Variants in ANO3 observed in about 807,000 individuals in gnomAD.
ANO3 encodes the protein anoctamin 3.
Under a neutral mutation model 144.8 loss-of-function variants are expected in ANO3, and 99 were observed. That is an observed-to-expected ratio of 0.68 (90% CI 0.58 to 0.81). The LOEUF (loss-of-function observed/expected upper bound fraction) is 0.81, where lower values mean the gene tolerates loss of function less well. Ranked by LOEUF, ANO3 falls within the 30% of genes least tolerant of loss-of-function variation. The probability of loss-of-function intolerance (pLI) is 0.00; values close to 1 mark genes in which losing one functional copy is unlikely to be tolerated. For synonymous variants in ANO3, 414 were observed against 392.6 expected (o/e 1.05, Z -0.64); for missense variants, 905 against 1,202.2 (o/e 0.75, Z 3.66).
intron 1 of ANO3, among the ~76,000 whole-genome samples, chr11:26,437,658 C>T (rs1858342937): frequency 6.6e-6 from 1 of 152,082 alleles, no homozygotes; most frequent in Non-Finnish European, 1.5e-5. Context: ...CTTGGCCAGC[C>T]CCTCCATAGG....
chr11:26,453,630 G>A (rs1485744201), intron 3 of ANO3, among the ~76,000 whole-genome samples: 1 of 151,988 alleles, frequency 6.6e-6, no homozygotes, highest in Non-Finnish European at 1.5e-5. Context: ...CATTAATAAT[G>A]GGAGACTTTA....
At chr11:26,656,739 G>C (rs1230098361) in intron 26 of ANO3, among the ~76,000 whole-genome samples, 1 of 152,088 alleles carries the variant, frequency 6.6e-6, no homozygotes, top group East Asian at 1.9e-4. Context: ...GAAAACTTTT[G>C]AGCCTCCTAC....
chr11:26,246,456 TTA>T (rs150219099), intron 1 of ANO3, among the ~76,000 whole-genome samples: 3,572 of 139,928 alleles, frequency 0.026, 70 homozygotes, highest in African/African-American at 0.061. Context: ...AGTGTAGTCT[TTA>T]TATATATATA....
chr11:26,407,804 C>T (rs1857327946), intron 1 of ANO3, among the ~76,000 whole-genome samples: 1 of 151,750 alleles, frequency 6.6e-6, no homozygotes, highest in Non-Finnish European at 1.5e-5. Flanking sequence ...TCCTCCATAG[C>T]CCCATCTTTG....
At chr11:26,300,498 C>A (rs866147070) in intron 1 of ANO3, among the ~76,000 whole-genome samples, 1 of 152,074 alleles carries the variant, frequency 6.6e-6, no homozygotes, top group Admixed American at 6.5e-5. Flanking sequence ...CGAGACACAC[C>A]AACTAAATAA....
At chr11:26,428,155 C>G (rs7129745) in intron 1 of ANO3, among the ~76,000 whole-genome samples, 148,945 of 152,328 alleles carry the variant, frequency 0.98, 72,900 homozygotes, top group South Asian at 1. Flanking sequence ...AATCAACAAA[C>G]ATTCAACATG....
intron 14 of ANO3, among the ~76,000 whole-genome samples, chr11:26,595,460 G>GTTGTTTTTTT (rs1301892343): frequency 3.9e-5 from 4 of 101,384 alleles, no homozygotes; most frequent in African/African-American, 1.7e-4. Context: ...AGATAGAGTT[G>GTTGTTTTTTT]TTTTTTTTTT....
chr11:26,221,901 C>T (rs12799694), intron 1 of ANO3, among the ~76,000 whole-genome samples: 38 of 151,996 alleles, frequency 2.5e-4, no homozygotes, highest in Non-Finnish European at 3.2e-4. Flanking sequence ...CCACAAGGCC[C>T]GCCTCCAACA....
rs552922101 is a variant in ANO3, at chr11:26,657,707, GTTCT to G, written c.2763+1229_2763+1232del. 4.1e-3 allele frequency among the ~76,000 whole-genome samples: 619 copies of G among 152,024 alleles called. 3 individuals carry two copies. The highest frequency in any genetic ancestry group is 8.2e-3 in the Admixed American group (125 of 15,268). On this transcript the variant is annotated intron_variant, in intron 26 of 26. Transcript: ENST00000256737. ...AAAAATACATAGTATTAATTTGAGT[GTTCT>G]TTTTCAAAATTACTTCAATGGTATT...
chr11:26,560,971 G>A, intron 14 of ANO3: 2 of 1,235,334 alleles, frequency 1.6e-6, no homozygotes, highest in Non-Finnish European at 2.3e-6. Context: ...AAATCCACGT[G>A]ACAGTAATTT....
At chr11:26,242,301 C>T (rs1852680129) in intron 1 of ANO3, among the ~76,000 whole-genome samples, 1 of 152,052 alleles carries the variant, frequency 6.6e-6, no homozygotes, top group African/African-American at 2.4e-5. Context: ...TCATGCTTTC[C>T]TACTTCTATT....
In ANO3 at chr11:26,616,144, G is replaced by A. The variant is rs1852254581; in HGVS notation, c.1837-8318G>A. On this transcript the variant is annotated intron_variant, in intron 17 of 26. Transcript: ENST00000256737. Reference sequence around the variant, plus strand: ...TAATTATTTTATCTTTTATAGCTATGAATTATAAAATCAGTACATTGATAT... The same window carrying A: ...TAATTATTTTATCTTTTATAGCTATAAATTATAAAATCAGTACATTGATAT... Among the ~76,000 whole-genome samples the A allele has an allele frequency of 2.0e-5, 3 of 151,904 alleles. No homozygotes were observed. The South Asian group carries it at 6.2e-4, about 32-fold the overall frequency.
chr11:26,624,196 C>A (rs1430973052), intron 17 of ANO3, among the ~76,000 whole-genome samples: 1 of 152,134 alleles, frequency 6.6e-6, no homozygotes, highest in Admixed American at 6.6e-5. Flanking sequence ...AAGATAGCTA[C>A]CAGAAAAGAC....
At chr11:26,388,965 G>A (rs12289491) in intron 1 of ANO3, among the ~76,000 whole-genome samples, 18,569 of 152,050 alleles carry the variant, frequency 0.12, 1,814 homozygotes, top group African/African-American at 0.28. Context: ...TCTGTATTAT[G>A]TTTGAACATT....
At chr11:26,278,325 G>A (rs563013197) in intron 1 of ANO3, among the ~76,000 whole-genome samples, 38 of 152,252 alleles carry the variant, frequency 2.5e-4, no homozygotes, top group Middle Eastern at 3.4e-3. Flanking sequence ...TGAGGAATGG[G>A]ACTGCTACTT....
intron 24 of ANO3, among the ~76,000 whole-genome samples, chr11:26,652,261 T>C (rs1311270791): frequency 1.3e-5 from 2 of 152,222 alleles, no homozygotes; most frequent in Non-Finnish European, 2.9e-5. Context: ...GCCCGTCTAC[T>C]TTTTTAGAGA....
chr11:26,223,808 G>A (rs1160190763), intron 1 of ANO3, among the ~76,000 whole-genome samples: 2 of 151,868 alleles, frequency 1.3e-5, no homozygotes, highest in East Asian at 2.0e-4. Flanking sequence ...GAGACAGAGT[G>A]GAGAGGCGCC....
In ANO3 at chr11:26,417,505, C is replaced by T. The variant is rs1857625179; in HGVS notation, c.47-24413C>T. Among the ~76,000 whole-genome samples the T allele has an allele frequency of 1.3e-5, 2 of 151,932 alleles. 1 individual carries two copies. The highest frequency in any genetic ancestry group is 2.9e-5 in the Non-Finnish European group (2 of 67,982). ...AGGAAATAATTCAAGAGTGAACAAACAGGATAAAGGGAAAGCAAGGCAAGT... is the reference window on the plus strand; with the variant it reads ...AGGAAATAATTCAAGAGTGAACAAATAGGATAAAGGGAAAGCAAGGCAAGT... On this transcript the variant is annotated intron_variant, in intron 1 of 26. Coordinates refer to ENST00000256737, the MANE Select transcript of ANO3 (RefSeq NM_031418.4).
At chr11:26,576,925 A>G (rs1282917796) in intron 14 of ANO3, among the ~76,000 whole-genome samples, 3 of 152,086 alleles carry the variant, frequency 2.0e-5, no homozygotes, top group Non-Finnish European at 4.4e-5. Context: ...AAAAGTGAAT[A>G]TACTATTCAT....
Sources: allele counts gnomAD v4.1 joint callset (sites outside exome capture counted in the v4.1 genomes callset), GRCh38; gene constraint gnomAD v4.1.1; transcripts MANE v1.5; gene names NCBI Gene and HGNC (gene_info 2026-07-23, HGNC 2026-07-21).